MYO1G: variants seen among roughly 807,000 people sequenced by gnomAD.
MYO1G encodes myosin IG, also known as unconventional myosin-Ig.
In MYO1G, 65 loss-of-function variants were observed where a neutral mutation model predicts 115.3. The ratio of observed to expected loss-of-function variants is 0.56; its 90% CI spans 0.46 to 0.69. MYO1G has a LOEUF of 0.69. MYO1G is among the 30% of genes least tolerant of loss of function. MYO1G has a pLI of 0.00. For synonymous variants in MYO1G, 510 were observed against 552.6 expected (o/e 0.92, Z 1.08); for missense variants, 1,204 against 1,393.5 (o/e 0.86, Z 2.16).
At position 44,977,095 on chromosome 7, in the gene MYO1G, C is replaced by T. The variant is rs148595433; in HGVS notation, c.96-24G>A. ...ACCTGGACACAGCAGGGGTAGGCCT[C>T]AGCACTCACAGGCTTACAGGCACCC... is the stretch of plus-strand genomic sequence containing the variant. On this transcript the variant is annotated intron_variant, in intron 1 of 21. Coordinates refer to ENST00000258787, the MANE Select transcript of MYO1G (RefSeq NM_033054.3). The T allele has an allele frequency of 2.3e-3, 3,630 of 1,608,450 alleles. 92 individuals are homozygous for T. The Admixed American group carries it at 0.044, about 19-fold the overall frequency.
In MYO1G at chr7:44,966,534, T is replaced by G; in HGVS notation, c.1949+138A>C. On this transcript the variant is annotated intron_variant, in intron 15 of 21. Transcript: ENST00000258787. This position sits in a 1 kb window ranked among gnomAD's most constrained non-coding sequence, Gnocchi z 5.0. ...ACACATGTCTTCCCAGATATTTTGG[T>G]GTCTTGAGGCCAGCAGCGTGCTGGT... 9.3e-7 allele frequency: 1 copy of G among 1,080,226 alleles called. No homozygotes were observed. The highest frequency in any genetic ancestry group is 1.4e-6 in the Non-Finnish European group (1 of 722,098). 66.9% of individuals were successfully genotyped at this position (1,080,226 alleles called of 1,614,324 possible).
Position 44,963,246 on chromosome 7 carries a change from G to C in MYO1G, c.2746-122C>G. The C allele has an allele frequency of 8.2e-7, 1 of 1,217,700 alleles. No individual in the cohort carries two copies. The highest frequency in any genetic ancestry group is 1.1e-6 in the Non-Finnish European group (1 of 927,944). 75.4% of individuals were successfully genotyped at this position (1,217,700 alleles called of 1,614,324 possible). ...ACCGCACCCGGGGAGCGCCGCCCTC[G>C]CCAGGGCCACCAGCCCCCCACCGCC... On this transcript the variant is annotated intron_variant, in intron 20 of 21. Coordinates refer to ENST00000258787, the MANE Select transcript of MYO1G (RefSeq NM_033054.3). This position sits in a 1 kb window ranked among gnomAD's most constrained non-coding sequence, Gnocchi z 4.1.
rs1794773634 is a variant in MYO1G at position 44,962,942 on chromosome 7, T to G, written c.2900+28A>C. ...GGGCGGCCACGCGGCCGGGGCTTCGTGCCCGCTACCGCCCAGCCTGCACTC... is the reference window on the plus strand; with the variant it reads ...GGGCGGCCACGCGGCCGGGGCTTCGGGCCCGCTACCGCCCAGCCTGCACTC... On this transcript the variant is annotated intron_variant, in intron 21 of 21. Coordinates refer to ENST00000258787, the MANE Select transcript of MYO1G (RefSeq NM_033054.3). This position sits in a 1 kb window ranked among gnomAD's most constrained non-coding sequence, Gnocchi z 5.3. 4 of 1,509,138 alleles carry G rather than the reference T, an allele frequency of 2.7e-6. No individual in the cohort carries two copies. Among genetic ancestry groups the G allele is most frequent in the African/African-American group, 1.4e-5 (1 of 69,518 alleles). 93.5% of individuals were successfully genotyped at this position (1,509,138 alleles called of 1,614,324 possible).
At chr7:44,970,799 C>T in intron 8 of MYO1G, 36 bp downstream of exon 8, 1 of 1,613,388 alleles carries the variant, frequency 6.2e-7, no homozygotes, top group Non-Finnish European at 8.5e-7. Flanking sequence ...ATGAAGGCCT[C>T]CTGGGCTTCC....
Position 44,970,165 on chromosome 7 carries a change from G to A in MYO1G, c.1218-11C>T, listed in dbSNP as rs1196007643. On this transcript the variant is annotated splice_polypyrimidine_tract_variant and intron_variant, in intron 9 of 21. Coordinates refer to ENST00000258787, the MANE Select transcript of MYO1G (RefSeq NM_033054.3). ...CAGAACTGCTCGAAACTGGGGGTGG[G>A]GTGGGCCTTTCAGAGGGGAGGTCGC... is the stretch of plus-strand genomic sequence containing the variant. 1 of 1,600,350 alleles carries A rather than the reference G, an allele frequency of 6.2e-7. No homozygotes were observed. Among genetic ancestry groups the A allele is most frequent in the South Asian group, 1.1e-5 (1 of 90,616 alleles).
rs1794950127 is a variant in MYO1G, at chr7:44,971,064, T to C, written c.847-5A>G. ...CTCCACAAACTCGATGTTTCCCTGGTGATGGGAAAACCATGAACAGTCCGG... is the reference window on the plus strand; with the variant it reads ...CTCCACAAACTCGATGTTTCCCTGGCGATGGGAAAACCATGAACAGTCCGG... On this transcript the variant is annotated splice_polypyrimidine_tract_variant and splice_region_variant and intron_variant, in intron 7 of 21. Coordinates refer to ENST00000258787, the MANE Select transcript of MYO1G (RefSeq NM_033054.3). 6.2e-7 allele frequency: 1 copy of C among 1,606,722 alleles called. No homozygotes were observed. The highest frequency in any genetic ancestry group is 8.5e-7 in the Non-Finnish European group (1 of 1,177,282).
rs1794919569 is a variant in MYO1G, at chr7:44,969,813, C to T, written c.1395G>A (p.Leu465=). Residue 465 remains leucine (L), a synonymous_variant, in exon 11 of 22, where the codon CTG becomes CTA. Transcript: ENST00000258787. This position sits in a 1 kb window ranked among gnomAD's most constrained non-coding sequence, Gnocchi z 5.0. The part of the protein sequence containing the change: ...DLVERPHRGI[L]AVLDEACSSA... ...AGCTGCAGGCCTCGTCCAGCACGGC[C>T]AGGATGCCACGGTGGGGCCGCTCCA... The T allele has an allele frequency of 6.2e-7, 1 of 1,613,296 alleles. No individual in the cohort carries two copies. The highest frequency in any genetic ancestry group is 8.5e-7 in the Non-Finnish European group (1 of 1,179,886).
chr7:44,964,624 G>T lies in MYO1G; in HGVS notation c.2527-105C>A, dbSNP rs191602626. 4 of 971,980 alleles carry T rather than the reference G, an allele frequency of 4.1e-6. No individual in the cohort carries two copies. Among genetic ancestry groups the T allele is most frequent in the East Asian group, 2.5e-5 (1 of 40,508 alleles). The allele number at this position is 971,980 out of a possible 1,614,324, so 60.2% of individuals were successfully genotyped here. On this transcript the variant is annotated intron_variant, in intron 18 of 21. Coordinates refer to ENST00000258787, the MANE Select transcript of MYO1G (RefSeq NM_033054.3). This position sits in a 1 kb window ranked among gnomAD's most constrained non-coding sequence, Gnocchi z 5.1. The stretch of plus-strand genomic sequence containing the variant: ...AATCAGCATAGCTATCCTTCATCTC[G>T]GGAAACTGAGTCACACAGACTTGTG...
chr7:44,965,016 T>G lies in MYO1G; in HGVS notation c.2455A>C (p.Met819Leu). ...MPQIKAKVAA[M>L]GALQGLRQDW... is the part of the protein sequence containing the mutation. ...TGACGAAGCCCTTGCAGGGCCCCCA[T>G]GGCGGCCACCTTGGCCTTGATCTGG... The change falls in exon 18 of 22, where the codon ATG becomes CTG. Residue 819 changes from methionine (M) to leucine (L), a missense_variant. Transcript: ENST00000258787. 1 of 1,611,336 alleles carries G rather than the reference T, an allele frequency of 6.2e-7. No homozygotes were observed. Among genetic ancestry groups the G allele is most frequent in the African/African-American group, 1.3e-5 (1 of 75,026 alleles).
At chr7:44,971,298 G>A (rs1334767120) in intron 7 of MYO1G, among the ~76,000 whole-genome samples, 3 of 152,178 alleles carry the variant, frequency 2.0e-5, no homozygotes, top group African/African-American at 4.8e-5. Context: ...CAAATGACAT[G>A]TGAATGACCC....
rs1794801672 is a variant in MYO1G at position 44,964,415 on chromosome 7, C to T, written c.2631G>A (p.Lys877=). 6.2e-7 allele frequency: 1 copy of T among 1,612,768 alleles called. No homozygotes were observed. The highest frequency in any genetic ancestry group is 8.5e-7 in the Non-Finnish European group (1 of 1,178,988). ...GAVLFSSHVR[K]VNRFHKIRNR... ...AAGCCATCCTTGTCCCTTGTCTAAC[C>T]TTGCGGACATGGCTTGAAAAGAGCA... The change falls in exon 19 of 22, where the codon AAG becomes AAA. Residue 877 remains lysine, a splice_region_variant and synonymous_variant. Coordinates refer to ENST00000258787, the MANE Select transcript of MYO1G (RefSeq NM_033054.3). The surrounding 1 kb of genome is among the most constrained non-coding windows in gnomAD (Gnocchi z 5.1).
At chr7:44,970,194 T>C (rs999666413) in intron 9 of MYO1G, 40 bp from the exon 10 acceptor site, 22 of 1,374,394 alleles carry the variant, frequency 1.6e-5, no homozygotes, top group Non-Finnish European at 2.3e-5. Flanking sequence ...AGGTCGCTGC[T>C]TGTGGAGTGC....
chr7:44,975,999 T>C (rs1197091197), intron 3 of MYO1G, among the ~76,000 whole-genome samples: 1 of 152,220 alleles, frequency 6.6e-6, no homozygotes, highest in African/African-American at 2.4e-5. Context: ...GACCTCCAGC[T>C]GCAGGGGTGG....
Position 44,976,873 on chromosome 7 carries a change from G to C in MYO1G, c.294C>G (p.Ile98Met). The change falls in exon 2 of 22, where the codon ATC (isoleucine) becomes ATG (methionine). Residue 98 changes from isoleucine to methionine, a missense_variant. Ile to Met is a conservative substitution (Grantham distance 10). Transcript: ENST00000258787. ...GGCAGGGACAGGTACCTGAGATGAC[G>C]ATGCAGGTGTCCCTGGACCGGTGCT... ...AMKHRSRDTC[I>M]VISGESGAGK... 3 of 1,613,356 alleles carry C rather than the reference G, an allele frequency of 1.9e-6. No individual in the cohort carries two copies. Among genetic ancestry groups the C allele is most frequent in the Non-Finnish European group, 2.5e-6 (3 of 1,180,006 alleles).
intron 2 of MYO1G, 68 bp from the exon 3 acceptor site, chr7:44,976,725 C>T: frequency 3.8e-6 from 6 of 1,599,504 alleles, no homozygotes; most frequent in Non-Finnish European, 5.1e-6. Flanking sequence ...CCTGTGCCCA[C>T]TCACACCCCC....
chr7:44,976,732 C>G, intron 2 of MYO1G, 75 bp from the exon 3 acceptor site: 2 of 1,593,488 alleles, frequency 1.3e-6, no homozygotes, highest in Middle Eastern at 1.7e-4. Context: ...CCACTCACAC[C>G]CCCAAGACTG....
intron 5 of MYO1G, chr7:44,972,719 G>A: frequency 6.0e-6 from 1 of 166,270 alleles, no homozygotes; most frequent in Admixed American, 5.8e-5. Context: ...AGGGAGCACA[G>A]GTTCCGTGGA....
intron 17 of MYO1G, 81 bp from the exon 18 acceptor site, chr7:44,965,170 AGC>A (rs898886311): frequency 7.2e-6 from 11 of 1,530,060 alleles, no homozygotes; most frequent in Non-Finnish European, 9.7e-6. Flanking sequence ...GAGGAAGCTG[AGC>A]CCTCAGCCTG....
Position 44,969,599 on chromosome 7 carries a change from A to C in MYO1G, c.1503+106T>G. ...AGGTTGCCACAGTGACGACAATGGC[A>C]CCAAAGCTGGGTCCCCAACCAGGCC... On this transcript the variant is annotated intron_variant, in intron 11 of 21. Coordinates refer to ENST00000258787, the MANE Select transcript of MYO1G (RefSeq NM_033054.3). The surrounding 1 kb of genome is among the most constrained non-coding windows in gnomAD (Gnocchi z 5.0). 6.3e-7 allele frequency: 1 copy of C among 1,579,710 alleles called. No individual in the cohort carries two copies. Among genetic ancestry groups the C allele is most frequent in the Non-Finnish European group, 8.7e-7 (1 of 1,153,110 alleles).
Sources: gnomAD v4.1 joint callset for allele counts (sites outside exome capture counted in the v4.1 genomes callset) on GRCh38, gnomAD v4.1.1 for gene constraint, Gnocchi (gnomAD v3.1) non-coding constraint, MANE v1.5 for transcripts, NCBI Gene and HGNC (gene_info 2026-07-23, HGNC 2026-07-21) for gene names.